The following PHLPP1 variants were observed in gnomAD, a reference collection of about 807,000 sequenced individuals.
PHLPP1 encodes the protein PH domain leucine-rich repeat-containing protein phosphatase 1.
A neutral mutation model predicts 117.2 loss-of-function variants in PHLPP1; 42 were observed. That is an observed-to-expected ratio of 0.36 (90% CI 0.28 to 0.46). PHLPP1 has a LOEUF of 0.46. Ranked by LOEUF, PHLPP1 falls within the 20% of genes least tolerant of loss-of-function variation. The pLI, the probability that PHLPP1 is intolerant of heterozygous loss-of-function variation, is 1.00. For missense variants in PHLPP1, 2,084 were observed against 2,241.9 expected, an observed-to-expected ratio of 0.93 and a Z score of 1.42; for synonymous variants, 1,042 against 970.7, an observed-to-expected ratio of 1.07 and a Z score of -1.37.
chr18:62,941,998 A>G (rs1258144548), intron 11 of PHLPP1, 80 bp downstream of exon 11: 8 of 1,140,132 alleles, frequency 7.0e-6, no homozygotes, highest in Non-Finnish European at 1.0e-5. Flanking sequence ...TGAAATATTT[A>G]TTTCCCAGGT....
chr18:62,775,055 G>T (rs1183317586), intron 1 of PHLPP1, among the ~76,000 whole-genome samples: 1 of 151,958 alleles, frequency 6.6e-6, no homozygotes, highest in Non-Finnish European at 1.5e-5. Flanking sequence ...CATTCCTCAG[G>T]TCACAAAAGA....
At chr18:62,966,510 G>C (rs1268977037) in intron 14 of PHLPP1, among the ~76,000 whole-genome samples, 1 of 111,382 alleles carries the variant, frequency 9.0e-6, no homozygotes, top group Admixed American at 1.3e-4. Context: ...TTGTGCCGTT[G>C]CCCAGGCTGG....
intron 3 of PHLPP1, among the ~76,000 whole-genome samples, chr18:62,844,914 A>G (rs1259452237): frequency 2.6e-5 from 4 of 152,260 alleles, no homozygotes; most frequent in African/African-American, 9.6e-5. Context: ...AGTTTACTAC[A>G]TGGCACATTT....
chr18:62,742,193 G>A (rs1025555005), intron 1 of PHLPP1, among the ~76,000 whole-genome samples: 3 of 152,150 alleles, frequency 2.0e-5, no homozygotes, highest in East Asian at 3.8e-4. Context: ...GTAGGAGGGA[G>A]AAAAGAGAAA....
At chr18:62,726,787 T>C (rs1490496471) in intron 1 of PHLPP1, among the ~76,000 whole-genome samples, 2 of 151,626 alleles carry the variant, frequency 1.3e-5, no homozygotes, top group Admixed American at 6.6e-5. Context: ...TTTTGCCATG[T>C]TGGCCATGCT....
chr18:62,916,747 C>CTTTTTTTTTTTTTTTTTTTTTTTTT (rs10538704), intron 9 of PHLPP1, among the ~76,000 whole-genome samples: 3 of 71,090 alleles, frequency 4.2e-5, no homozygotes, highest in Middle Eastern at 9.6e-3. Context: ...TCCTTCTATT[C>CTTTTTTTTTTTTTTTTTTTTTTTTT]TTTTTTTTTT....
At chr18:62,893,839 G>A (rs947453822) in intron 4 of PHLPP1, among the ~76,000 whole-genome samples, 2 of 152,120 alleles carry the variant, frequency 1.3e-5, no homozygotes, top group African/African-American at 2.4e-5. Flanking sequence ...AGTTGCTTGG[G>A]CAACTGTGAA....
At chr18:62,907,666 T>A in intron 8 of PHLPP1, among the ~76,000 whole-genome samples, 1 of 73,166 alleles carries the variant, frequency 1.4e-5, no homozygotes, top group Non-Finnish European at 2.7e-5. Context: ...CAAATCTACG[T>A]CTGATTGGTG....
chr18:62,807,150 G>A (rs1568123433), intron 1 of PHLPP1, among the ~76,000 whole-genome samples: 1 of 151,920 alleles, frequency 6.6e-6, no homozygotes, highest in African/African-American at 2.4e-5. Context: ...ATTGCAATAT[G>A]TGACCACAAG....
intron 1 of PHLPP1, among the ~76,000 whole-genome samples, chr18:62,792,170 A>G (rs374780008): frequency 1.1e-4 from 17 of 152,338 alleles, no homozygotes; most frequent in African/African-American, 3.4e-4. Context: ...AAGTCCATGT[A>G]GCATATGATA....
chr18:62,912,355 AAAT>A (rs1195979471), intron 8 of PHLPP1, among the ~76,000 whole-genome samples: 3 of 130,376 alleles, frequency 2.3e-5, no homozygotes, highest in East Asian at 2.2e-4. Flanking sequence ...ATCAAAAAAA[AAAT>A]TTTTTTTTAT....
At chr18:62,913,073 C>G (rs558699123) in intron 8 of PHLPP1, among the ~76,000 whole-genome samples, 2 of 152,270 alleles carry the variant, frequency 1.3e-5, no homozygotes, top group Non-Finnish European at 2.9e-5. Flanking sequence ...AATGATAATT[C>G]ATCTTCCTGT....
chr18:62,790,638 A>T (rs1213202427), intron 1 of PHLPP1, among the ~76,000 whole-genome samples: 1 of 152,202 alleles, frequency 6.6e-6, no homozygotes, highest in African/African-American at 2.4e-5. Flanking sequence ...TTTTATAAAA[A>T]GTCACAGCAT....
intron 1 of PHLPP1, among the ~76,000 whole-genome samples, chr18:62,783,559 T>C (rs953068760): frequency 6.6e-6 from 1 of 152,226 alleles, no homozygotes; most frequent in Non-Finnish European, 1.5e-5. Flanking sequence ...TATATTGTAA[T>C]GGTTATTGTA....
intron 6 of PHLPP1, among the ~76,000 whole-genome samples, chr18:62,898,286 A>C (rs1428497507): frequency 1.3e-5 from 2 of 152,124 alleles, no homozygotes; most frequent in Non-Finnish European, 2.9e-5. Context: ...TGTCTTTCTT[A>C]CTCAACCAAT....
Position 62,978,421 on chromosome 18 carries a change from G to T in PHLPP1, c.4144G>T (p.Val1382Phe). The part of the protein sequence containing the change: ...GSKGLWDSLS[V>F]EEAVEAVRNV... ...TAAGGGGTTGTGGGACAGCCTGTCC[G>T]TCGAGGAGGCCGTGGAAGCCGTGCG... The change falls in exon 17 of 17, where the codon GTC becomes TTC. Residue 1382 changes from valine to phenylalanine, a missense_variant. This residue lies in a region of PHLPP1 where 1,365 missense variants were observed against 1,605.9 expected (regional missense o/e 0.85). Transcript: ENST00000262719. This position sits in a 1 kb window ranked among gnomAD's most constrained non-coding sequence, Gnocchi z 7.0. The T allele has an allele frequency of 3.7e-6, 6 of 1,612,054 alleles. No individual in the cohort carries two copies. The highest frequency in any genetic ancestry group is 5.1e-6 in the Non-Finnish European group (6 of 1,179,112).
intron 2 of PHLPP1, among the ~76,000 whole-genome samples, chr18:62,837,288 C>G (rs1914932514): frequency 6.6e-6 from 1 of 152,140 alleles, no homozygotes. Flanking sequence ...CTGCACCTGG[C>G]TGATAGGACT....
rs1310671522 is a variant in PHLPP1 at position 62,771,227 on chromosome 18, AAAAG to A, written c.1576+53973_1576+53976del. On this transcript the variant is annotated intron_variant, in intron 1 of 16. Coordinates refer to ENST00000262719, the MANE Select transcript of PHLPP1 (RefSeq NM_194449.4). ...AGACTGTCTCAAAAAAAAAAAAAAA[AAAAG>A]AAAGCAAAGTTGTCACTATCTCAGC... 3.1e-3 allele frequency among the ~76,000 whole-genome samples: 476 copies of A among 151,396 alleles called. 1 individual carries two copies. The highest frequency in any genetic ancestry group is 0.011 in the African/African-American group (449 of 40,868).
chr18:62,774,068 T>A (rs777785219), intron 1 of PHLPP1, among the ~76,000 whole-genome samples: 6 of 151,934 alleles, frequency 3.9e-5, no homozygotes, highest in Non-Finnish European at 7.4e-5. Context: ...TTAATACATG[T>A]TTTTTTGTGG....
Sources: gnomAD v4.1 joint callset for allele counts (sites outside exome capture counted in the v4.1 genomes callset) on GRCh38, gnomAD v4.1.1 for gene constraint, gnomAD v4.1.1 regional missense constraint, Gnocchi (gnomAD v3.1) non-coding constraint, MANE v1.5 for transcripts, NCBI Gene and HGNC (gene_info 2026-07-23, HGNC 2026-07-21) for gene names.